NECAB3: variants seen among roughly 807,000 people sequenced by gnomAD.
NECAB3 encodes N-terminal EF-hand calcium-binding protein 3.
NECAB3 carries 38 observed loss-of-function variants against 57.2 expected under a neutral mutation model. The ratio of observed to expected loss-of-function variants is 0.66; its 90% CI spans 0.51 to 0.87. NECAB3 has a LOEUF of 0.87. NECAB3 is among the 40% of genes least tolerant of loss of function. The probability of loss-of-function intolerance (pLI) is 0.00; values close to 1 mark genes in which losing one functional copy is unlikely to be tolerated. For synonymous variants in NECAB3, 223 were observed against 222.6 expected (o/e 1.00, Z -0.02); for missense variants, 474 against 527.5 (o/e 0.90, Z 0.99).
intron 5 of NECAB3, chr20:33,667,538 C>T: frequency 1.9e-6 from 3 of 1,543,430 alleles, no homozygotes; most frequent in Non-Finnish European, 2.6e-6. Flanking sequence ...TCCACCGGCG[C>T]GTTCAGCGGG....
intron 5 of NECAB3, among the ~76,000 whole-genome samples, chr20:33,661,300 C>T (rs2017468811): frequency 6.6e-6 from 1 of 152,192 alleles, no homozygotes; most frequent in African/African-American, 2.4e-5. Flanking sequence ...CCCTACCACA[C>T]ACACACACAC....
chr20:33,660,394 T>C lies in NECAB3; in HGVS notation c.389A>G (p.Glu130Gly). 1 of 1,613,350 alleles carries C rather than the reference T, an allele frequency of 6.2e-7. No homozygotes were observed. Among genetic ancestry groups the C allele is most frequent in the Non-Finnish European group, 8.5e-7 (1 of 1,179,716 alleles). ...VLAAMDATKL[E>G]YERASKVDQF... is the part of the protein sequence containing the mutation. ...GTCCACTTTGGAGGCCCTCTCGTAC[T>C]CCTGTGGGCCAAGGAGGGACGGTCA... The change falls in exon 6 of 12, where the codon GAG (glutamate) becomes GGG (glycine). Residue 130 changes from glutamate to glycine, a missense_variant and splice_region_variant. Coordinates refer to ENST00000246190, the MANE Select transcript of NECAB3 (RefSeq NM_031232.4). This position sits in a 1 kb window ranked among gnomAD's most constrained non-coding sequence, Gnocchi z 4.1.
At chr20:33,667,807 G>C in intron 5 of NECAB3, 1 of 1,612,512 alleles carries the variant, frequency 6.2e-7, no homozygotes, top group Non-Finnish European at 8.5e-7. Context: ...CCACCATCCG[G>C]CCAGTTTCAG....
intron 5 of NECAB3, chr20:33,667,696 C>A: frequency 6.2e-7 from 1 of 1,612,190 alleles, no homozygotes; most frequent in Non-Finnish European, 8.5e-7. Flanking sequence ...GAACCCTGAC[C>A]TCTTGCAGCA....
intron 8 of NECAB3, among the ~76,000 whole-genome samples, chr20:33,659,268 C>T (rs1423882867): frequency 6.6e-6 from 1 of 152,228 alleles, no homozygotes; most frequent in African/African-American, 2.4e-5. Context: ...CTCCAGCTTC[C>T]GTCCACACTG....
chr20:33,673,967 C>A (rs947408304), intron 1 of NECAB3, among the ~76,000 whole-genome samples: 1 of 152,100 alleles, frequency 6.6e-6, no homozygotes, highest in Non-Finnish European at 1.5e-5. Flanking sequence ...CGCCAGCCCC[C>A]CGCCAACACC....
At position 33,669,356 on chromosome 20, in the gene NECAB3, C is replaced by T; in HGVS notation, c.387+19G>A. ...CACTGCCTCACAGTGGATCCCCCACCATCAGCCACTCCACTCACCAGCTTG... is the reference window on the plus strand; with the variant it reads ...CACTGCCTCACAGTGGATCCCCCACTATCAGCCACTCCACTCACCAGCTTG... On this transcript the variant is annotated intron_variant, in intron 5 of 11. Transcript: ENST00000246190. 1.2e-6 allele frequency: 2 copies of T among 1,611,398 alleles called. No individual in the cohort carries two copies. Among genetic ancestry groups the T allele is most frequent in the Non-Finnish European group, 1.7e-6 (2 of 1,178,196 alleles).
rs770642294 is a variant in NECAB3 at position 33,659,694 on chromosome 20, C to A, written c.682G>T (p.Val228Leu). 1 of 1,606,030 alleles carries A rather than the reference C, an allele frequency of 6.2e-7. No homozygotes were observed. Among genetic ancestry groups the A allele is most frequent in the Non-Finnish European group, 8.5e-7 (1 of 1,178,092 alleles). The change falls in exon 8 of 12, where the codon GTG becomes TTG. Residue 228 changes from valine to leucine, a missense_variant. By Grantham distance (32) the Val-to-Leu change is conservative (BLOSUM62 1). Transcript: ENST00000246190. The part of the protein sequence containing the change: ...SEAEMQWRLQ[V>L]NRLQELIDQL... ...TCGATGAGCTCCTGGAGGCGGTTCA[C>A]CTGGAGCCGCCACTGCATCTCGGCC... is the stretch of plus-strand genomic sequence containing the variant.
intron 5 of NECAB3, chr20:33,667,279 C>T: frequency 2.0e-6 from 1 of 499,316 alleles, no homozygotes; most frequent in Non-Finnish European, 3.2e-6. Flanking sequence ...GGGCTGCGAG[C>T]TGGCGGGCGG....
rs537698773 is a variant in NECAB3, at chr20:33,662,201, C to T, written c.388-1806G>A. The T allele has an allele frequency of 3.7e-6, 4 of 1,081,194 alleles. No individual in the cohort carries two copies. The East Asian group carries it at 1.1e-4, about 29-fold the overall frequency. 67.0% of individuals were successfully genotyped at this position (1,081,194 alleles called of 1,614,324 possible). On this transcript the variant is annotated intron_variant, in intron 5 of 11. Transcript: ENST00000246190. Reference sequence around the variant, plus strand: ...CAAGGCTAGAAGTGACTGAGTGGAGCCCAGATTCACCTGTGGGCCCTGGAA... The same window carrying T: ...CAAGGCTAGAAGTGACTGAGTGGAGTCCAGATTCACCTGTGGGCCCTGGAA...
chr20:33,663,293 T>C (rs1032406295), intron 5 of NECAB3: 2 of 557,408 alleles, frequency 3.6e-6, no homozygotes, highest in East Asian at 3.3e-5. Context: ...CAGCCTGGGA[T>C]GGATGAGGGT....
rs2017317595 is a variant in NECAB3, at chr20:33,657,312, AAG to A, written c.*515_*516del. 6.3e-6 allele frequency: 1 copy of A among 157,618 alleles called. No individual in the cohort carries two copies. The highest frequency in any genetic ancestry group is 3.1e-3 in the Middle Eastern group (1 of 320). 9.8% of individuals were successfully genotyped at this position (157,618 alleles called of 1,614,324 possible). A position where few individuals can be genotyped will look rare whatever the true frequency, so the allele number is the denominator to read the frequency against. On this transcript the variant is annotated 3_prime_UTR_variant, in exon 12 of 12. Coordinates refer to ENST00000246190, the MANE Select transcript of NECAB3 (RefSeq NM_031232.4). ...CCTCTGGCACATCCATGGGTGCTGGAAGAGTCAGAGCCTAGTGGCCTGGGAGG... is the reference window on the plus strand; with the variant it reads ...CCTCTGGCACATCCATGGGTGCTGGAAGTCAGAGCCTAGTGGCCTGGGAGG...
chr20:33,672,250 T>C, intron 2 of NECAB3, 148 bp downstream of exon 2: 1 of 940,272 alleles, frequency 1.1e-6, no homozygotes, highest in Non-Finnish European at 1.7e-6. Context: ...GCACTTCCTC[T>C]GGGAAGTGCC....
chr20:33,662,480 G>T (rs574890015), intron 5 of NECAB3: 2 of 1,551,032 alleles, frequency 1.3e-6, no homozygotes, highest in African/African-American at 1.4e-5. Context: ...CTGTGAGGGC[G>T]GGGGATGGGG....
At chr20:33,672,216 T>C in intron 2 of NECAB3, 182 bp downstream of exon 2, 1 of 704,992 alleles carries the variant, frequency 1.4e-6, no homozygotes, top group Non-Finnish European at 2.4e-6. Context: ...CCACTCTCCA[T>C]CCTGCCAAAC....
chr20:33,663,883 C>T lies in NECAB3; in HGVS notation c.388-3488G>A, dbSNP rs534852781. The T allele has an allele frequency of 8.1e-4, 1,122 of 1,382,374 alleles. 1 individual carries two copies. Among genetic ancestry groups the T allele is most frequent in the Non-Finnish European group, 9.8e-4 (1,053 of 1,076,504 alleles). 85.6% of individuals were successfully genotyped at this position (1,382,374 alleles called of 1,614,324 possible). A position where few individuals can be genotyped will look rare whatever the true frequency, so the allele number is the denominator to read the frequency against. On this transcript the variant is annotated intron_variant, in intron 5 of 11. Coordinates refer to ENST00000246190, the MANE Select transcript of NECAB3 (RefSeq NM_031232.4). Reference sequence around the variant, plus strand: ...GCAGCTTTAAACGCTTGGCCCGGACCCCGCCCAATAAAGAGTGCGTGGCAA... The same window carrying T: ...GCAGCTTTAAACGCTTGGCCCGGACTCCGCCCAATAAAGAGTGCGTGGCAA...
At chr20:33,666,109 A>C (rs1281220995) in intron 5 of NECAB3, among the ~76,000 whole-genome samples, 1 of 152,036 alleles carries the variant, frequency 6.6e-6, no homozygotes, top group African/African-American at 2.4e-5. Flanking sequence ...AAAAGAACTG[A>C]GTCTCAAACT....
chr20:33,659,635 T>C lies in NECAB3; in HGVS notation c.741A>G (p.Pro247=), dbSNP rs1250012986. 6.2e-7 allele frequency: 1 copy of C among 1,609,170 alleles called. No individual in the cohort carries two copies. The change falls in exon 8 of 12, where the codon CCA becomes CCG. Residue 247 remains proline (P), a synonymous_variant. Coordinates refer to ENST00000246190, the MANE Select transcript of NECAB3 (RefSeq NM_031232.4). The stretch of plus-strand genomic sequence containing the variant: ...AGGAGGGTCCTCCCTTGTGGGGCCC[T>C]GGCCCCACGGCCCTCACCTTGCACT... ...QLECKVRAVG[P]GPHKGGPSWY...
At chr20:33,667,746 C>A in intron 5 of NECAB3, 2 of 1,612,526 alleles carry the variant, frequency 1.2e-6, no homozygotes, top group Non-Finnish European at 1.7e-6. Flanking sequence ...TCAAGAAGCG[C>A]AGCTGCTACG....
Sources: gnomAD v4.1 joint callset for allele counts (sites outside exome capture counted in the v4.1 genomes callset) on GRCh38, gnomAD v4.1.1 for gene constraint, Gnocchi (gnomAD v3.1) non-coding constraint, MANE v1.5 for transcripts, NCBI Gene and HGNC (gene_info 2026-07-23, HGNC 2026-07-21) for gene names.